SYT16: variants seen among roughly 807,000 people sequenced by gnomAD.
SYT16 encodes the protein synaptotagmin 16.
A neutral mutation model predicts 61.4 loss-of-function variants in SYT16; 42 were observed. That is an observed-to-expected ratio of 0.68 (90% CI 0.53 to 0.89). The LOEUF (loss-of-function observed/expected upper bound fraction) is 0.89. Among genes scored for constraint, SYT16 ranks in the 40% least tolerant of loss-of-function variants. The pLI is 0.00. For synonymous variants in SYT16, 314 were observed against 302.3 expected (o/e 1.04, Z -0.40); for missense variants, 804 against 807.3 (o/e 1.00, Z 0.05).
At chr14:61,958,314 A>C (rs886235797) in intron 1 of SYT16, among the ~76,000 whole-genome samples, 2 of 150,664 alleles carry the variant, frequency 1.3e-5, no homozygotes, top group Non-Finnish European at 3.0e-5. Context: ...CCTTCTGCTA[A>C]TTTTTTGTTT....
chr14:61,822,301 C>A (rs2045642111), intron 1 of SYT16, among the ~76,000 whole-genome samples: 1 of 152,164 alleles, frequency 6.6e-6, no homozygotes, highest in African/African-American at 2.4e-5. Flanking sequence ...GAGGGTGGAT[C>A]CCCCATCTTT....
At position 62,101,031 on chromosome 14, in the gene SYT16, G is replaced by T; in HGVS notation, c.*324G>T. On this transcript the variant is annotated 3_prime_UTR_variant, in exon 8 of 8. Transcript: ENST00000683842. Reference sequence around the variant, plus strand: ...GAAGCTTCTTCTGCTGTCTCTGTTTGCTTGAAGAGTAACCTGAGATTGCAA... The same window carrying T: ...GAAGCTTCTTCTGCTGTCTCTGTTTTCTTGAAGAGTAACCTGAGATTGCAA... The T allele has an allele frequency of 4.8e-6, 1 of 208,348 alleles. No individual in the cohort carries two copies. The highest frequency in any genetic ancestry group is 1.1e-4 in the East Asian group (1 of 8,798). The allele number at this position is 208,348 out of a possible 1,614,324, so 12.9% of individuals were successfully genotyped here.
intron 3 of SYT16, among the ~76,000 whole-genome samples, chr14:62,026,385 G>A (rs934692476): frequency 2.0e-5 from 3 of 152,180 alleles, no homozygotes; most frequent in Non-Finnish European, 1.5e-5. Context: ...TCAAGGCACT[G>A]GTATCTGGTG....
chr14:61,831,206 A>G (rs2045925653), intron 1 of SYT16, among the ~76,000 whole-genome samples: 1 of 152,226 alleles, frequency 6.6e-6, no homozygotes, highest in Non-Finnish European at 1.5e-5. Context: ...ATCCAGCTCC[A>G]AATCAAAAGT....
At chr14:62,081,409 G>A (rs1325766222) in intron 6 of SYT16, 135 bp downstream of exon 6, 1 of 973,022 alleles carries the variant, frequency 1.0e-6, no homozygotes, top group South Asian at 1.7e-5. Flanking sequence ...CCTCACCCTT[G>A]TAAGCCATGA....
chr14:61,950,512 T>C (rs565260933), intron 1 of SYT16, among the ~76,000 whole-genome samples: 12 of 152,222 alleles, frequency 7.9e-5, no homozygotes, highest in Non-Finnish European at 1.6e-4. Context: ...TGCACAGCCC[T>C]TCTGGGTACA....
intron 3 of SYT16, among the ~76,000 whole-genome samples, chr14:62,033,760 A>AG: frequency 6.6e-6 from 1 of 152,292 alleles, no homozygotes; most frequent in East Asian, 1.9e-4. Flanking sequence ...ACTTTTAGAA[A>AG]GAAACCTGAG....
rs1196113620 is a variant in SYT16 at position 61,832,544 on chromosome 14, C to T, written c.-325+19734C>T. On this transcript the variant is annotated intron_variant, in intron 1 of 7. Coordinates refer to ENST00000683842, the MANE Select transcript of SYT16 (RefSeq NM_001367656.1). ...CTCCGCCTCCCGAGTTCAAGTGATT[C>T]TCCTGCCTCAGCCTCCCGAGTAGCT... Among the ~76,000 whole-genome samples the T allele has an allele frequency of 2.0e-5, 3 of 152,184 alleles. No individual in the cohort carries two copies. The East Asian group carries it at 5.8e-4, about 29-fold the overall frequency.
At chr14:61,941,313 C>G (rs1190032702) in intron 1 of SYT16, among the ~76,000 whole-genome samples, 1 of 152,196 alleles carries the variant, frequency 6.6e-6, no homozygotes, top group East Asian at 1.9e-4. Context: ...CTCAGATTCA[C>G]AGCTCTACCA....
intron 1 of SYT16, among the ~76,000 whole-genome samples, chr14:61,836,312 T>TA (rs2046127929): frequency 6.6e-6 from 1 of 152,232 alleles, no homozygotes; most frequent in Non-Finnish European, 1.5e-5. Context: ...GCTGCTCTTG[T>TA]GTCTGCATTG....
chr14:62,044,935 C>G (rs1163844717), intron 3 of SYT16, among the ~76,000 whole-genome samples: 1 of 152,076 alleles, frequency 6.6e-6, no homozygotes, highest in African/African-American at 2.4e-5. Flanking sequence ...GTCAGGAATT[C>G]GAGACCAGCC....
intron 1 of SYT16, among the ~76,000 whole-genome samples, chr14:61,822,625 T>A (rs746186384): frequency 1.3e-5 from 2 of 152,212 alleles, no homozygotes; most frequent in African/African-American, 2.4e-5. Flanking sequence ...GGAAGGGTAA[T>A]TTTTGGTGTT....
chr14:61,867,597 ATTAAC>A (rs1463981727), intron 1 of SYT16, among the ~76,000 whole-genome samples: 2 of 152,126 alleles, frequency 1.3e-5, no homozygotes, highest in African/African-American at 4.8e-5. Context: ...TATACTAGCA[ATTAAC>A]TTAAAACAAT....
chr14:61,823,288 G>T (rs2045670880), intron 1 of SYT16, among the ~76,000 whole-genome samples: 1 of 151,962 alleles, frequency 6.6e-6, no homozygotes, highest in South Asian at 2.1e-4. Context: ...ACTGCGCCTG[G>T]CCTATTTTTT....
chr14:62,005,426 A>G (rs1480277259), intron 3 of SYT16, among the ~76,000 whole-genome samples: 2 of 152,142 alleles, frequency 1.3e-5, no homozygotes, highest in African/African-American at 4.8e-5. Flanking sequence ...CAAGGTTCCT[A>G]TCCATTCTGC....
At chr14:61,897,213 T>A (rs904707024) in intron 1 of SYT16, 7 of 152,266 alleles carry the variant, frequency 4.6e-5, no homozygotes, top group African/African-American at 4.8e-5. Context: ...AGAGACCATA[T>A]GGCCTACACC....
chr14:61,823,059 C>A (rs997693188), intron 1 of SYT16, among the ~76,000 whole-genome samples: 9 of 152,148 alleles, frequency 5.9e-5, no homozygotes, highest in African/African-American at 2.2e-4. Flanking sequence ...GTAGCACGAT[C>A]TCAGCTCACT....
chr14:61,868,189 G>C (rs192578134), intron 1 of SYT16, among the ~76,000 whole-genome samples: 8 of 152,016 alleles, frequency 5.3e-5, no homozygotes, highest in Admixed American at 5.2e-4. Context: ...GATTTAAAGA[G>C]ATGTTCTTTC....
At chr14:61,868,288 A>G (rs2047224359) in intron 1 of SYT16, among the ~76,000 whole-genome samples, 1 of 151,840 alleles carries the variant, frequency 6.6e-6, no homozygotes, top group Non-Finnish European at 1.5e-5. Flanking sequence ...TTTTCCAAAG[A>G]AATAACATTT....
Sources: allele counts gnomAD v4.1 joint callset (sites outside exome capture counted in the v4.1 genomes callset), GRCh38; gene constraint gnomAD v4.1.1; transcripts MANE v1.5; gene names NCBI Gene and HGNC (gene_info 2026-07-23, HGNC 2026-07-21).